PPP2R5E: variants seen among roughly 807,000 people sequenced by gnomAD.
PPP2R5E encodes the protein serine/threonine-protein phosphatase 2A 56 kDa regulatory subunit epsilon isoform.
A neutral mutation model predicts 65.3 loss-of-function variants in PPP2R5E; 4 were observed. The observed-to-expected ratio is 0.06, with a 90% CI of 0.03 to 0.14. The LOEUF is 0.14. Ranked by LOEUF, PPP2R5E falls within the 10% of genes least tolerant of loss-of-function variation. The pLI is 1.00. For missense variants in PPP2R5E, 274 were observed against 556.1 expected, an observed-to-expected ratio of 0.49 and a Z score of 5.10; for synonymous variants, 183 against 187.4, an observed-to-expected ratio of 0.98 and a Z score of 0.19.
intron 2 of PPP2R5E, among the ~76,000 whole-genome samples, chr14:63,457,064 G>A (rs2139492265): frequency 6.6e-6 from 1 of 152,292 alleles, no homozygotes; most frequent in Middle Eastern, 3.4e-3. Flanking sequence ...TATACATGTT[G>A]AAGGATGACC....
chr14:63,440,704 C>T (rs897618428), intron 3 of PPP2R5E, among the ~76,000 whole-genome samples: 2 of 150,166 alleles, frequency 1.3e-5, no homozygotes, highest in Admixed American at 6.6e-5. Flanking sequence ...TTTGGGAGGC[C>T]GAGGCAGGCG....
At chr14:63,454,362 A>AT (rs1352113575) in intron 2 of PPP2R5E, among the ~76,000 whole-genome samples, 1 of 152,128 alleles carries the variant, frequency 6.6e-6, no homozygotes, top group Non-Finnish European at 1.5e-5. Flanking sequence ...GTGTGTTTAT[A>AT]TTTTTTTGTT....
At chr14:63,426,904 C>T (rs1027299716) in intron 3 of PPP2R5E, among the ~76,000 whole-genome samples, 1 of 152,096 alleles carries the variant, frequency 6.6e-6, no homozygotes, top group South Asian at 2.1e-4. Context: ...CTCTAAATCC[C>T]CTGATTTATC....
intron 3 of PPP2R5E, among the ~76,000 whole-genome samples, chr14:63,442,206 T>G (rs1339525140): frequency 6.6e-6 from 1 of 152,168 alleles, no homozygotes; most frequent in Non-Finnish European, 1.5e-5. Flanking sequence ...TCCTTAAATT[T>G]TTTCCTTTGT....
intron 2 of PPP2R5E, among the ~76,000 whole-genome samples, chr14:63,501,071 C>T (rs886584898): frequency 2.0e-5 from 3 of 152,238 alleles, no homozygotes; most frequent in South Asian, 2.1e-4. Context: ...CACAGTCAGA[C>T]ACTTGTAAGA....
chr14:63,450,016 C>T (rs1393491840), intron 3 of PPP2R5E, among the ~76,000 whole-genome samples: 2 of 151,824 alleles, frequency 1.3e-5, no homozygotes, highest in South Asian at 4.1e-4. Context: ...GCTGGGATTA[C>T]AGGCATGTGC....
intron 5 of PPP2R5E, among the ~76,000 whole-genome samples, chr14:63,398,530 C>T (rs1309373308): frequency 1.3e-5 from 2 of 152,210 alleles, no homozygotes; most frequent in Admixed American, 6.5e-5. Flanking sequence ...CCCTGGCTCA[C>T]GCCTGTAATC....
At chr14:63,484,345 T>TCACACACA (rs1239784741) in intron 2 of PPP2R5E, among the ~76,000 whole-genome samples, 102 of 124,338 alleles carry the variant, frequency 8.2e-4, no homozygotes, top group African/African-American at 2.9e-3. Context: ...TCTCTCTCTC[T>TCACACACA]CTCACACACA....
At chr14:63,459,109 A>G (rs529951271) in intron 2 of PPP2R5E, among the ~76,000 whole-genome samples, 1 of 152,348 alleles carries the variant, frequency 6.6e-6, no homozygotes, top group Admixed American at 6.5e-5. Flanking sequence ...ATACGAGTCT[A>G]TATTTACAGA....
At chr14:63,415,107 G>A (rs1257414071) in intron 5 of PPP2R5E, 33 bp downstream of exon 5, 1 of 1,455,634 alleles carries the variant, frequency 6.9e-7, no homozygotes, top group East Asian at 2.3e-5. Flanking sequence ...TTAACTGGAT[G>A]ACAAATACAC....
At chr14:63,449,872 ATT>A (rs35931655) in intron 3 of PPP2R5E, among the ~76,000 whole-genome samples, 5,897 of 105,108 alleles carry the variant, frequency 0.056, 103 homozygotes, top group East Asian at 0.16. Flanking sequence ...TTCTTTTCCT[ATT>A]TTTTTTTTTT....
chr14:63,513,270 T>C (rs1892534686), intron 2 of PPP2R5E, among the ~76,000 whole-genome samples: 1 of 152,136 alleles, frequency 6.6e-6, no homozygotes, highest in African/African-American at 2.4e-5. Flanking sequence ...CACTGGTGTA[T>C]TCAAAATACA....
intron 2 of PPP2R5E, among the ~76,000 whole-genome samples, chr14:63,509,953 G>A (rs1199841903): frequency 6.6e-6 from 1 of 152,130 alleles, no homozygotes; most frequent in Non-Finnish European, 1.5e-5. Flanking sequence ...CACTACCTGA[G>A]CATCCATGCC....
At chr14:63,540,147 A>G (rs1594987001) in intron 1 of PPP2R5E, among the ~76,000 whole-genome samples, 1 of 132,080 alleles carries the variant, frequency 7.6e-6, no homozygotes, top group East Asian at 2.3e-4. Flanking sequence ...AAAAAAAAAA[A>G]GGGCTGGGCC....
rs867886816 is a variant in PPP2R5E, at chr14:63,428,204, C to A, written c.355-6110G>T. Among the ~76,000 whole-genome samples, 22 of 152,196 alleles carry A rather than the reference C, an allele frequency of 1.4e-4. No individual in the cohort carries two copies. The South Asian group carries it at 1.9e-3, about 13-fold the overall frequency. On this transcript the variant is annotated intron_variant, in intron 3 of 13. Transcript: ENST00000337537. ...TTACTGCACAGTTTCCTTTCCGGTA[C>A]TCTCTTCCTCACATCCCTTCTTTTT... is the stretch of plus-strand genomic sequence containing the variant.
intron 2 of PPP2R5E, among the ~76,000 whole-genome samples, chr14:63,533,018 T>C (rs1445541699): frequency 6.6e-6 from 1 of 152,112 alleles, no homozygotes; most frequent in Non-Finnish European, 1.5e-5. Context: ...GTATTTTTTT[T>C]TAGAGACAGG....
In PPP2R5E at chr14:63,371,634, A is replaced by T. The variant is rs567918642; in HGVS notation, c.*4375T>A. 3.6e-4 allele frequency: 55 copies of T among 152,344 alleles called. No homozygotes were observed. Among genetic ancestry groups the T allele is most frequent in the Admixed American group, 1.4e-3 (21 of 15,306 alleles). The allele number at this position is 152,344 out of a possible 1,614,324, so 9.4% of individuals were successfully genotyped here. A position where few individuals can be genotyped will look rare whatever the true frequency, so the allele number is the denominator to read the frequency against. On this transcript the variant is annotated 3_prime_UTR_variant, in exon 14 of 14. Coordinates refer to ENST00000337537, the MANE Select transcript of PPP2R5E (RefSeq NM_006246.5). ...TGGCATTTTAAGTTTGATGTGGATC[A>T]GAAGTCTTCACTGTCTGGTTGAACC...
chr14:63,434,795 T>C (rs7141832), intron 3 of PPP2R5E, among the ~76,000 whole-genome samples: 11,832 of 152,298 alleles, frequency 0.078, 592 homozygotes, highest in African/African-American at 0.13. Context: ...TTTTGTTAAC[T>C]CTTCTCCTTT....
chr14:63,379,827 T>TCTCCCTC (rs1555354234), intron 13 of PPP2R5E, among the ~76,000 whole-genome samples: 1 of 80,554 alleles, frequency 1.2e-5, no homozygotes, highest in African/African-American at 6.2e-5. Context: ...ATTCTCTCTC[T>TCTCCCTC]TTTTTTTTTT....
Sources: allele counts gnomAD v4.1 joint callset (sites outside exome capture counted in the v4.1 genomes callset), GRCh38; gene constraint gnomAD v4.1.1; transcripts MANE v1.5; gene names NCBI Gene and HGNC (gene_info 2026-07-23, HGNC 2026-07-21).